The following SMIM14 variants were observed in gnomAD, a reference collection of about 807,000 sequenced individuals.
SMIM14 encodes the protein chromosome 4 open reading frame 34.
In SMIM14, 5 loss-of-function variants were observed where a neutral mutation model predicts 12.6. The ratio of observed to expected loss-of-function variants is 0.40; its 90% CI spans 0.21 to 0.83. The LOEUF is 0.83. Ranked by LOEUF, SMIM14 falls within the 40% of genes least tolerant of loss-of-function variation. SMIM14 has a pLI of 0.37. For missense variants in SMIM14, 86 were observed against 119.1 expected (o/e 0.72, Z 1.29); for synonymous variants, 30 against 40.1 (o/e 0.75, Z 0.95).
chr4:39,553,595 G>GTTTTTTTGGT (rs1553860958), intron 4 of SMIM14, among the ~76,000 whole-genome samples: 1 of 140,786 alleles, frequency 7.1e-6, no homozygotes, highest in Non-Finnish European at 1.6e-5. Context: ...AATAATGCCG[G>GTTTTTTTGGT]TTTTTTTTTT....
intron 3 of SMIM14, among the ~76,000 whole-genome samples, chr4:39,568,490 T>C (rs78379542): frequency 2.6e-5 from 4 of 151,934 alleles, no homozygotes; most frequent in Admixed American, 2.0e-4. Context: ...CAATGGAATA[T>C]ATACAAAATA....
rs1381569156 is a variant in SMIM14 at position 39,547,133 on chromosome 4, T to A, written c.*4993A>T. The A allele has an allele frequency of 6.6e-6, 1 of 152,194 alleles. No individual in the cohort carries two copies. Among genetic ancestry groups the A allele is most frequent in the African/African-American group, 2.4e-5 (1 of 41,458 alleles). 9.4% of individuals were successfully genotyped at this position (152,194 alleles called of 1,614,324 possible). A position where few individuals can be genotyped will look rare whatever the true frequency, so the allele number is the denominator to read the frequency against. On this transcript the variant is annotated 3_prime_UTR_variant, in exon 5 of 5. Transcript: ENST00000295958. The stretch of plus-strand genomic sequence containing the variant: ...CTGAATACTGGCCCCATACTGCATA[T>A]TTTATGAATATTTTTCTCACAACTT...
chr4:39,615,220 C>A, intron 1 of SMIM14, among the ~76,000 whole-genome samples: 1 of 152,084 alleles, frequency 6.6e-6, no homozygotes. Context: ...CAGGCGTGAG[C>A]CACGACCTCC....
chr4:39,556,721 TC>T (rs1412717997), intron 3 of SMIM14, 151 bp from the exon 4 acceptor site: 3 of 750,470 alleles, frequency 4.0e-6, no homozygotes, highest in East Asian at 6.0e-5. Context: ...AATTTCCCTT[TC>T]CCCCAGTGAG....
Position 39,552,027 on chromosome 4 carries a change from A to G in SMIM14, c.*99T>C. On this transcript the variant is annotated 3_prime_UTR_variant, in exon 5 of 5. Transcript: ENST00000295958. ...AATACCATCCCATATTGCAGATACA[A>G]AAGGAAAAACAGTTCTAATGGGGTT... The G allele has an allele frequency of 1.1e-6, 1 of 951,888 alleles. No individual in the cohort carries two copies. The highest frequency in any genetic ancestry group is 1.5e-6 in the Non-Finnish European group (1 of 649,772). 59.0% of individuals were successfully genotyped at this position (951,888 alleles called of 1,614,324 possible). A position where few individuals can be genotyped will look rare whatever the true frequency, so the allele number is the denominator to read the frequency against.
At chr4:39,608,561 A>T (rs1357666005) in intron 1 of SMIM14, among the ~76,000 whole-genome samples, 2 of 152,256 alleles carry the variant, frequency 1.3e-5, no homozygotes, top group Admixed American at 1.3e-4. Context: ...ATATGCTATG[A>T]TTCCATTTAT....
At chr4:39,579,976 G>A (rs965227512) in intron 2 of SMIM14, among the ~76,000 whole-genome samples, 15 of 151,460 alleles carry the variant, frequency 9.9e-5, no homozygotes, top group East Asian at 3.9e-4. Context: ...GAAATTCTTC[G>A]AAAAAAAATT....
At chr4:39,572,305 T>TTTTTAAAAA in intron 3 of SMIM14, 110 bp downstream of exon 3, 1 of 189,704 alleles carries the variant, frequency 5.3e-6, no homozygotes, top group Non-Finnish European at 1.0e-5. Context: ...TTTTTTTTGG[T>TTTTTAAAAA]AACCACTAGA....
intron 1 of SMIM14, among the ~76,000 whole-genome samples, chr4:39,634,185 C>T (rs562933557): frequency 2.6e-5 from 4 of 152,304 alleles, no homozygotes; most frequent in African/African-American, 9.6e-5. Flanking sequence ...CCTCGGCTTC[C>T]CAAAGTGCTG....
intron 1 of SMIM14, among the ~76,000 whole-genome samples, chr4:39,636,515 C>A (rs1032193241): frequency 1.3e-5 from 2 of 151,944 alleles, no homozygotes; most frequent in African/African-American, 4.8e-5. Flanking sequence ...CATAGAAGTC[C>A]CCCATTATCC....
At chr4:39,557,908 C>T (rs532519871) in intron 3 of SMIM14, among the ~76,000 whole-genome samples, 1 of 152,210 alleles carries the variant, frequency 6.6e-6, no homozygotes, top group South Asian at 2.1e-4. Flanking sequence ...TTAATTTGAC[C>T]TTCTTTTTCA....
intron 1 of SMIM14, among the ~76,000 whole-genome samples, chr4:39,620,255 G>T (rs1231986885): frequency 6.6e-6 from 1 of 151,758 alleles, no homozygotes; most frequent in African/African-American, 2.4e-5. Flanking sequence ...CGAGGCGGGC[G>T]GATCACGAGG....
chr4:39,623,444 CA>C (rs1236118385), intron 1 of SMIM14, among the ~76,000 whole-genome samples: 3 of 152,152 alleles, frequency 2.0e-5, no homozygotes, highest in African/African-American at 7.2e-5. Context: ...TTGGCTAATT[CA>C]AGGTCAGAAT....
At chr4:39,590,022 CAAAAAAAAAAAA>C (rs34159677) in intron 2 of SMIM14, among the ~76,000 whole-genome samples, 48 of 71,352 alleles carry the variant, frequency 6.7e-4, no homozygotes, top group Non-Finnish European at 1.1e-3. Flanking sequence ...GACTCTGTTT[CAAAAAAAAAAAA>C]AAAAAAAAAA....
chr4:39,582,664 C>CA lies in SMIM14; in HGVS notation c.76-10202dup, dbSNP rs754978694. On this transcript the variant is annotated intron_variant, in intron 2 of 4. Coordinates refer to ENST00000295958, the MANE Select transcript of SMIM14 (RefSeq NM_174921.3). ...GGGCAACAAGAGTGAAACTCCATTT[C>CA]AAAAAAAAAAAGAAAGGGTCTTATA... Among the ~76,000 whole-genome samples, 41 of 129,316 alleles carry CA rather than the reference C, an allele frequency of 3.2e-4. No homozygotes were observed. The East Asian group carries it at 5.4e-3, about 17-fold the overall frequency. 84.8% of individuals were successfully genotyped at this position (129,316 alleles called of 152,430 possible). A position where few individuals can be genotyped will look rare whatever the true frequency, so the allele number is the denominator to read the frequency against.
intron 1 of SMIM14, among the ~76,000 whole-genome samples, chr4:39,618,250 G>T (rs12500234): frequency 0.68 from 102,866 of 151,960 alleles, 35,579 homozygotes; most frequent in African/African-American, 0.81. Context: ...AAAGGAAAAT[G>T]CATTCAATCG....
At chr4:39,629,494 G>C (rs1401338136) in intron 1 of SMIM14, among the ~76,000 whole-genome samples, 1 of 142,760 alleles carries the variant, frequency 7.0e-6, no homozygotes, top group African/African-American at 2.6e-5. Context: ...CCAGGCTGTA[G>C]TGCAGTGGTG....
chr4:39,563,852 G>A (rs765923075), intron 3 of SMIM14, among the ~76,000 whole-genome samples: 1 of 152,046 alleles, frequency 6.6e-6, no homozygotes, highest in South Asian at 2.1e-4. Flanking sequence ...TGAGCCTCAA[G>A]TTTCTTTTTC....
intron 1 of SMIM14, among the ~76,000 whole-genome samples, chr4:39,630,927 CAAATA>C (rs1715873952): frequency 1.3e-5 from 2 of 150,372 alleles, no homozygotes; most frequent in African/African-American, 4.9e-5. Flanking sequence ...CAAGGATTAA[CAAATA>C]AAATAAACAA....
Sources: allele counts gnomAD v4.1 joint callset (sites outside exome capture counted in the v4.1 genomes callset), GRCh38; gene constraint gnomAD v4.1.1; transcripts MANE v1.5; gene names NCBI Gene and HGNC (gene_info 2026-07-23, HGNC 2026-07-21).